ZNF705G: variants seen among roughly 807,000 people sequenced by gnomAD.
The protein encoded by ZNF705G is zinc finger protein 705G.
In ZNF705G, 23 loss-of-function variants were observed where a neutral mutation model predicts 19.6. That is an observed-to-expected ratio of 1.17 (90% CI 0.84 to 1.66). The LOEUF (loss-of-function observed/expected upper bound fraction) is 1.66, where lower values mean the gene tolerates loss of function less well. Ranked by LOEUF, ZNF705G falls within the 40% of genes most tolerant of loss-of-function variation. The pLI is 0.00. For synonymous variants in ZNF705G, 146 were observed against 117.7 expected (o/e 1.24, Z -1.56); for missense variants, 457 against 354.4 (o/e 1.29, Z -2.32).
chr8:7,383,778 G>A (rs1209996771), intron 1 of ZNF705G, among the ~76,000 whole-genome samples: 1 of 148,152 alleles, frequency 6.7e-6, no homozygotes. Context: ...AAGGAAGCGA[G>A]CTCTCTCCAG....
intron 1 of ZNF705G, among the ~76,000 whole-genome samples, chr8:7,384,290 C>T (rs1462209061): frequency 2.1e-5 from 3 of 144,186 alleles, no homozygotes; most frequent in Admixed American, 2.0e-4. Context: ...TACTGTTTGT[C>T]TCAGGAAAAA....
rs187206529 is a variant in ZNF705G at position 7,361,275 on chromosome 8, T to C, written c.13-39A>G. ...GACATTTTAGTTTAGACAGAGAAAT[T>C]CCTTTCAATGTCCGGAAGAGGAAGG... is the stretch of plus-strand genomic sequence containing the variant. On this transcript the variant is annotated intron_variant, in intron 3 of 6. Coordinates refer to ENST00000400156, the MANE Select transcript of ZNF705G (RefSeq NM_001164457.3). 352 of 1,592,416 alleles carry C rather than the reference T, an allele frequency of 2.2e-4. 3 individuals carry two copies. The East Asian group carries it at 7.5e-3, about 34-fold the overall frequency.
intron 3 of ZNF705G, among the ~76,000 whole-genome samples, chr8:7,362,425 A>G (rs1806645659): frequency 1.3e-5 from 2 of 149,392 alleles, no homozygotes; most frequent in Admixed American, 1.3e-4. Context: ...GTCCTATCAC[A>G]CTGGATTTAT....
chr8:7,361,843 C>T (rs1468861910), intron 3 of ZNF705G, among the ~76,000 whole-genome samples: 1 of 149,662 alleles, frequency 6.7e-6, no homozygotes, highest in Non-Finnish European at 1.5e-5. Context: ...CAGCATTCTT[C>T]AGAACTGAAC....
intron 1 of ZNF705G, among the ~76,000 whole-genome samples, chr8:7,382,130 C>T (rs553020485): frequency 7.5e-3 from 1,133 of 151,094 alleles, no homozygotes; most frequent in African/African-American, 0.027. Context: ...AGTGGTGATG[C>T]TTCTTCTCAA....
At chr8:7,383,169 T>A (rs1299195577) in intron 1 of ZNF705G, among the ~76,000 whole-genome samples, 2 of 146,726 alleles carry the variant, frequency 1.4e-5, no homozygotes, top group Non-Finnish European at 3.0e-5. Flanking sequence ...AAAGCGATAA[T>A]TCTAGGCAGG....
intron 2 of ZNF705G, among the ~76,000 whole-genome samples, chr8:7,370,608 G>T (rs569885662): frequency 7.0e-6 from 1 of 142,758 alleles, no homozygotes; most frequent in South Asian, 2.2e-4. Flanking sequence ...CTTTTACACT[G>T]TTGGTGGGAA....
At chr8:7,359,839 T>C (rs1361807316) in intron 5 of ZNF705G, 138 bp from the exon 6 acceptor site, 7 of 1,298,716 alleles carry the variant, frequency 5.4e-6, no homozygotes, top group African/African-American at 3.4e-5. Context: ...ACTACTTGAA[T>C]AGAAGAAATA....
rs146970310 is a variant in ZNF705G, at chr8:7,357,920, G to C, written c.*56C>G. Reference sequence around the variant, plus strand: ...TTTAAGATTAGTACATTGTCTGAAGGCTTTCCCACATAAATGGCATTCATA... The same window carrying C: ...TTTAAGATTAGTACATTGTCTGAAGCCTTTCCCACATAAATGGCATTCATA... On this transcript the variant is annotated 3_prime_UTR_variant, in exon 7 of 7. Coordinates refer to ENST00000400156, the MANE Select transcript of ZNF705G (RefSeq NM_001164457.3). 2.5e-6 allele frequency: 4 copies of C among 1,602,968 alleles called. 1 individual carries two copies. In the African/African-American group the frequency reaches 4.3e-5, roughly 17 times the overall value.
chr8:7,358,825 G>T (rs536573033), intron 6 of ZNF705G, among the ~76,000 whole-genome samples: 1 of 149,236 alleles, frequency 6.7e-6, no homozygotes, highest in South Asian at 2.1e-4. Flanking sequence ...AAAGCTACAC[G>T]CCTCCCCCAT....
Position 7,357,845 on chromosome 8 carries a change from G to C in ZNF705G, c.*131C>G, listed in dbSNP as rs1207845539. 2.2e-6 allele frequency: 3 copies of C among 1,380,396 alleles called. No homozygotes were observed. Among genetic ancestry groups the C allele is most frequent in the Non-Finnish European group, 2.9e-6 (3 of 1,033,336 alleles). The allele number at this position is 1,380,396 out of a possible 1,614,324, so 85.5% of individuals were successfully genotyped here. On this transcript the variant is annotated 3_prime_UTR_variant, in exon 7 of 7. Coordinates refer to ENST00000400156, the MANE Select transcript of ZNF705G (RefSeq NM_001164457.3). ...ACCGTGTCATCTAAAGTCAGAATAT[G>C]TTCTGAAGAAGTTTATAATTTTCTC... is the stretch of plus-strand genomic sequence containing the variant.
At chr8:7,360,957 G>A (rs1806556269) in intron 4 of ZNF705G, among the ~76,000 whole-genome samples, 153 bp downstream of exon 4, 1 of 149,658 alleles carries the variant, frequency 6.7e-6, no homozygotes, top group Non-Finnish European at 1.5e-5. Flanking sequence ...ATTTATTTCA[G>A]ATAGATTTAG....
At chr8:7,359,834 T>G (rs1369107896) in intron 5 of ZNF705G, 133 bp from the exon 6 acceptor site, 10 of 1,352,184 alleles carry the variant, frequency 7.4e-6, no homozygotes, top group Non-Finnish European at 1.0e-5. Context: ...AAGAAACTAC[T>G]TGAATAGAAG....
chr8:7,366,405 G>A (rs1456958532), intron 2 of ZNF705G, among the ~76,000 whole-genome samples: 1 of 149,330 alleles, frequency 6.7e-6, no homozygotes, highest in African/African-American at 2.6e-5. Flanking sequence ...TTGTGTAACA[G>A]GAGAGAGGAA....
At chr8:7,368,093 T>C (rs1445639655) in intron 2 of ZNF705G, among the ~76,000 whole-genome samples, 1 of 149,210 alleles carries the variant, frequency 6.7e-6, no homozygotes, top group Non-Finnish European at 1.5e-5. Context: ...TCCCCTTATA[T>C]ATGAAAAAAA....
At chr8:7,359,324 CT>C (rs1806457118) in intron 6 of ZNF705G, among the ~76,000 whole-genome samples, 1 of 149,694 alleles carries the variant, frequency 6.7e-6, no homozygotes, top group Non-Finnish European at 1.5e-5. Flanking sequence ...CAGATATGTT[CT>C]CTTCTGTAAC....
intron 2 of ZNF705G, among the ~76,000 whole-genome samples, chr8:7,364,170 A>T (rs1202656395): frequency 1.3e-5 from 2 of 149,662 alleles, no homozygotes; most frequent in Admixed American, 1.3e-4. Flanking sequence ...ATGTCCATGT[A>T]TACATTCGTA....
intron 2 of ZNF705G, among the ~76,000 whole-genome samples, chr8:7,369,311 G>C (rs1446572873): frequency 6.7e-6 from 1 of 149,568 alleles, no homozygotes; most frequent in South Asian, 2.1e-4. Context: ...ATGTCCAATA[G>C]AAGTCTGCTG....
chr8:7,361,745 A>T (rs1260127084), intron 3 of ZNF705G, among the ~76,000 whole-genome samples: 1 of 149,700 alleles, frequency 6.7e-6, no homozygotes, highest in Non-Finnish European at 1.5e-5. Context: ...ACTAATAGAA[A>T]ACGTGTTTCC....
Sources: allele counts gnomAD v4.1 joint callset (sites outside exome capture counted in the v4.1 genomes callset), GRCh38; gene constraint gnomAD v4.1.1; transcripts MANE v1.5; gene names NCBI Gene and HGNC (gene_info 2026-07-23, HGNC 2026-07-21).